Variants in EPS15 observed in about 807,000 individuals in gnomAD.
EPS15 encodes the protein epidermal growth factor receptor pathway substrate 15.
A neutral mutation model predicts 113.8 loss-of-function variants in EPS15; 72 were observed. The observed-to-expected ratio is 0.63, with a 90% CI of 0.52 to 0.77. EPS15 has a LOEUF of 0.77. EPS15 is among the 30% of genes least tolerant of loss of function. EPS15 has a pLI of 0.00. For synonymous variants in EPS15, 344 were observed against 363.4 expected, an observed-to-expected ratio of 0.95 and a Z score of 0.61; for missense variants, 1,048 against 1,045.8, an observed-to-expected ratio of 1.00 and a Z score of -0.03.
Position 51,408,218 on chromosome 1 carries a change from A to G in EPS15, c.1390T>C (p.Leu464=), listed in dbSNP as rs139609315. ...TTCCCTGACTCTACACTCTCCTCCA[A>G]TTCTGCTGTTTCTTGCTGTAGACGG... ...LSRLQQETAE[L]EESVESGKAQ... The change falls in exon 15 of 25, where the codon TTG becomes CTG. Residue 464 remains leucine (L), a synonymous_variant. Transcript: ENST00000371733. 1,101 of 1,614,030 alleles carry G rather than the reference A, an allele frequency of 6.8e-4. 8 individuals carry two copies. The African/African-American group carries it at 0.012, about 18-fold the overall frequency.
At chr1:51,449,658 T>C (rs945004694) in intron 8 of EPS15, among the ~76,000 whole-genome samples, 1 of 151,696 alleles carries the variant, frequency 6.6e-6, no homozygotes, top group Non-Finnish European at 1.5e-5. Context: ...GTTTAATTGA[T>C]GCAAAACTGG....
chr1:51,366,350 G>C (rs1334216509), intron 21 of EPS15, among the ~76,000 whole-genome samples: 2 of 152,154 alleles, frequency 1.3e-5, no homozygotes, highest in Non-Finnish European at 2.9e-5. Context: ...TTATAGGCAT[G>C]AGCCACCAAA....
intron 13 of EPS15, among the ~76,000 whole-genome samples, chr1:51,416,469 G>A (rs1445331532): frequency 1.3e-5 from 2 of 152,132 alleles, no homozygotes; most frequent in South Asian, 2.1e-4. Context: ...AGCCATATCC[G>A]AGGTTACTCA....
chr1:51,447,103 C>A lies in EPS15; in HGVS notation c.654G>T (p.Trp218Cys). The change falls in exon 10 of 25, where the codon TGG becomes TGT. Residue 218 changes from tryptophan to cysteine, a missense_variant and splice_region_variant. Trp to Cys is a radical substitution (Grantham distance 215). Coordinates refer to ENST00000371733, the MANE Select transcript of EPS15 (RefSeq NM_001981.3). The part of the protein sequence containing the change: ...ALVPPSKRKT[W>C]VVSPAEKAKY... ...TAGCTTTTTCTGCAGGGGATACAAC[C>A]CACTACAGGGAGGAAAAAAAACAGT... 6.2e-7 allele frequency: 1 copy of A among 1,601,908 alleles called. No individual in the cohort carries two copies. The highest frequency in any genetic ancestry group is 8.5e-7 in the Non-Finnish European group (1 of 1,176,906).
intron 1 of EPS15, among the ~76,000 whole-genome samples, chr1:51,498,968 C>A (rs1269494892): frequency 6.6e-6 from 1 of 152,174 alleles, no homozygotes; most frequent in Non-Finnish European, 1.5e-5. Context: ...GTCCTCCCAG[C>A]ACTTGCCTTT....
intron 24 of EPS15, among the ~76,000 whole-genome samples, chr1:51,358,479 C>T (rs1019067392): frequency 1.3e-5 from 2 of 152,036 alleles, no homozygotes; most frequent in African/African-American, 4.8e-5. Context: ...ATAGAAAATC[C>T]TTCATGAAAG....
chr1:51,506,267 G>T (rs1439153935), intron 1 of EPS15, among the ~76,000 whole-genome samples: 2 of 152,060 alleles, frequency 1.3e-5, no homozygotes, highest in Non-Finnish European at 2.9e-5. Context: ...TTAAATGCAG[G>T]TATATCTTTT....
intron 9 of EPS15, among the ~76,000 whole-genome samples, chr1:51,447,583 C>T (rs571098428): frequency 4.7e-4 from 72 of 152,036 alleles, no homozygotes; most frequent in Non-Finnish European, 9.9e-4. Context: ...CTTGGACAAC[C>T]CAGAATTCAA....
intron 1 of EPS15, among the ~76,000 whole-genome samples, chr1:51,514,470 C>G (rs1644679305): frequency 6.6e-6 from 1 of 152,094 alleles, no homozygotes; most frequent in Non-Finnish European, 1.5e-5. Flanking sequence ...CAATAGTTAT[C>G]TTTTCTGCTC....
chr1:51,385,653 G>T (rs902791708), intron 21 of EPS15, among the ~76,000 whole-genome samples: 1 of 152,106 alleles, frequency 6.6e-6, no homozygotes, highest in Non-Finnish European at 1.5e-5. Flanking sequence ...CGGCAACTAA[G>T]TGTCCATTAA....
At chr1:51,387,125 C>T (rs1647102417) in intron 21 of EPS15, among the ~76,000 whole-genome samples, 1 of 152,172 alleles carries the variant, frequency 6.6e-6, no homozygotes, top group African/African-American at 2.4e-5. Context: ...GATCTCTTGG[C>T]AGAAACTCCA....
At chr1:51,409,395 C>T (rs1649472057) in intron 14 of EPS15, 140 bp downstream of exon 14, 2 of 691,126 alleles carry the variant, frequency 2.9e-6, no homozygotes, top group Non-Finnish European at 4.8e-6. Flanking sequence ...GAACCTTGCT[C>T]CATCGCCCCC....
chr1:51,433,753 T>C (rs983485368), intron 12 of EPS15, among the ~76,000 whole-genome samples: 2 of 152,254 alleles, frequency 1.3e-5, no homozygotes, highest in Non-Finnish European at 2.9e-5. Context: ...ATCTATCCTG[T>C]TTACTGGCCC....
intron 4 of EPS15, among the ~76,000 whole-genome samples, chr1:51,471,323 CAT>C (rs1229227762): frequency 1.3e-5 from 2 of 152,224 alleles, no homozygotes; most frequent in African/African-American, 4.8e-5. Context: ...TCACATCTCA[CAT>C]GTGATTAACC....
chr1:51,510,584 C>T (rs559456882), intron 1 of EPS15, among the ~76,000 whole-genome samples: 1 of 152,228 alleles, frequency 6.6e-6, no homozygotes, highest in East Asian at 1.9e-4. Context: ...ACTTAGCCCA[C>T]TAGATAGAAC....
chr1:51,495,549 A>G (rs910042099), intron 1 of EPS15, among the ~76,000 whole-genome samples: 1 of 152,060 alleles, frequency 6.6e-6, no homozygotes, highest in African/African-American at 2.4e-5. Flanking sequence ...AAATTTTTCA[A>G]AAAAATCAAG....
At chr1:51,399,274 G>A in intron 19 of EPS15, 109 bp from the exon 20 acceptor site, 2 of 1,003,020 alleles carry the variant, frequency 2.0e-6, no homozygotes, top group South Asian at 1.6e-5. Context: ...TCTGGGGCCA[G>A]GTGCAGTGGC....
intron 1 of EPS15, among the ~76,000 whole-genome samples, chr1:51,493,579 A>AATAAAAAT (rs1264942186): frequency 4.6e-4 from 65 of 140,990 alleles, no homozygotes; most frequent in South Asian, 1.8e-3. Flanking sequence ...TAAATAAATA[A>AATAAAAAT]AAATAAAGCT....
intron 12 of EPS15, 28 bp from the exon 13 acceptor site, chr1:51,421,886 T>C: frequency 6.2e-7 from 1 of 1,610,782 alleles, no homozygotes; most frequent in Non-Finnish European, 8.5e-7. Context: ...AATGCAAGAA[T>C]ATTTTAGAAC....
Sources: gnomAD v4.1 joint callset for allele counts (sites outside exome capture counted in the v4.1 genomes callset) on GRCh38, gnomAD v4.1.1 for gene constraint, MANE v1.5 for transcripts, NCBI Gene and HGNC (gene_info 2026-07-23, HGNC 2026-07-21) for gene names.